The following MYO7B variants were observed in gnomAD, a reference collection of about 807,000 sequenced individuals.
MYO7B encodes unconventional myosin-VIIb.
Under a neutral mutation model 259.7 loss-of-function variants are expected in MYO7B, and 212 were observed. That is an observed-to-expected ratio of 0.82 (90% CI 0.73 to 0.91). The LOEUF (loss-of-function observed/expected upper bound fraction) is 0.91. Among genes scored for constraint, MYO7B ranks in the 40% least tolerant of loss-of-function variants. The pLI, the probability that MYO7B is intolerant of heterozygous loss-of-function variation, is 0.00. For missense variants in MYO7B, 2,732 were observed against 2,813.5 expected (o/e 0.97, Z 0.66); for synonymous variants, 1,197 against 1,166.4 (o/e 1.03, Z -0.54).
Position 127,559,681 on chromosome 2 carries a change from G to A in MYO7B, c.-23-19G>A, listed in dbSNP as rs1227854723. On this transcript the variant is annotated intron_variant, in intron 1 of 47. Coordinates refer to ENST00000409816, the MANE Select transcript of MYO7B (RefSeq NM_001393586.1). This position sits in a 1 kb window ranked among gnomAD's most constrained non-coding sequence, Gnocchi z 4.1. ...GGGCTGTGTATGGAGCTGACGTTCT[G>A]CTTTCTCTCTCCATACAGGCTTGTG... 6.2e-7 allele frequency: 1 copy of A among 1,613,730 alleles called. No homozygotes were observed. The highest frequency in any genetic ancestry group is 1.7e-5 in the Admixed American group (1 of 60,024).
Position 127,615,142 on chromosome 2 carries a change from G to C in MYO7B, c.3398+2539G>C, listed in dbSNP as rs1558836882. On this transcript the variant is annotated intron_variant, in intron 26 of 47. Coordinates refer to ENST00000409816, the MANE Select transcript of MYO7B (RefSeq NM_001393586.1). The surrounding 1 kb of genome is among the most constrained non-coding windows in gnomAD (Gnocchi z 4.4). Reference sequence around the variant, plus strand: ...TTTCCTGGTCCTAAGATGGACCAGTGCTAAGATGGAGGTCTGTTCAGGGCC... The same window carrying C: ...TTTCCTGGTCCTAAGATGGACCAGTCCTAAGATGGAGGTCTGTTCAGGGCC... 6.6e-6 allele frequency among the ~76,000 whole-genome samples: 1 copy of C among 152,136 alleles called. No homozygotes were observed. The highest frequency in any genetic ancestry group is 1.9e-4 in the East Asian group (1 of 5,174).
chr2:127,615,878 G>A lies in MYO7B; in HGVS notation c.3398+3275G>A, dbSNP rs1267622387. The stretch of plus-strand genomic sequence containing the variant: ...GTCTTCGCATTCAGCTGGTACTGGG[G>A]GAACCAGGCCCGTGGTTGGGATCCA... On this transcript the variant is annotated intron_variant, in intron 26 of 47. Coordinates refer to ENST00000409816, the MANE Select transcript of MYO7B (RefSeq NM_001393586.1). This position sits in a 1 kb window ranked among gnomAD's most constrained non-coding sequence, Gnocchi z 4.4. 6.6e-6 allele frequency among the ~76,000 whole-genome samples: 1 copy of A among 152,208 alleles called. No homozygotes were observed. Among genetic ancestry groups the A allele is most frequent in the Non-Finnish European group, 1.5e-5 (1 of 68,036 alleles).
At position 127,581,992 on chromosome 2, in the gene MYO7B, G is replaced by A. The variant is rs751417780; in HGVS notation, c.1182G>A (p.Arg394=). 3 of 1,613,796 alleles carry A rather than the reference G, an allele frequency of 1.9e-6. No homozygotes were observed. The African/African-American group carries it at 4.0e-5, about 22-fold the overall frequency. ...RSLNIAQAAD[R]RDAFVKGIYG... is the part of the protein sequence containing the mutation. ...TGAACATTGCCCAGGCTGCTGACCGGAGGGACGCCTTTGTCAAGGTACAGA... is the reference window on the plus strand; with the variant it reads ...TGAACATTGCCCAGGCTGCTGACCGAAGGGACGCCTTTGTCAAGGTACAGA... Residue 394 remains arginine (R), a synonymous_variant, in exon 11 of 48, where the codon CGG becomes CGA. Coordinates refer to ENST00000409816, the MANE Select transcript of MYO7B (RefSeq NM_001393586.1).
intron 38 of MYO7B, 109 bp downstream of exon 38, chr2:127,631,862 C>G: frequency 7.3e-7 from 1 of 1,370,158 alleles, no homozygotes; most frequent in Non-Finnish European, 9.8e-7. Flanking sequence ...CGGCAGAACC[C>G]CTGCCTGGGC....
chr2:127,592,818 C>A lies in MYO7B; in HGVS notation c.2017C>A (p.Arg673=). Residue 673 remains arginine (R), a synonymous_variant, in exon 17 of 48, where the codon CGG becomes AGG. Transcript: ENST00000409816. ...PLLFDRELCL[R]QLRYSGMMET... is the part of the protein sequence containing the mutation. ...GCTGTTCGACCGGGAGCTGTGCCTGCGGCAGCTGCGATACTCGGGCATGAT... is the reference window on the plus strand; with the variant it reads ...GCTGTTCGACCGGGAGCTGTGCCTGAGGCAGCTGCGATACTCGGGCATGAT... 1 of 1,609,746 alleles carries A rather than the reference C, an allele frequency of 6.2e-7. No individual in the cohort carries two copies. Among genetic ancestry groups the A allele is most frequent in the Non-Finnish European group, 8.5e-7 (1 of 1,178,826 alleles).
At chr2:127,581,505 G>C (rs1220526568) in intron 10 of MYO7B, among the ~76,000 whole-genome samples, 2 of 152,202 alleles carry the variant, frequency 1.3e-5, no homozygotes, top group African/African-American at 4.8e-5. Flanking sequence ...CAGAAACTCT[G>C]GGTTTTGTCA....
intron 1 of MYO7B, among the ~76,000 whole-genome samples, chr2:127,537,639 A>T (rs902439466): frequency 6.6e-6 from 1 of 151,688 alleles, no homozygotes; most frequent in African/African-American, 2.4e-5. Context: ...ACATGGGGAG[A>T]CTCCATCTCT....
At chr2:127,599,862 C>T (rs1679897965) in intron 19 of MYO7B, among the ~76,000 whole-genome samples, 1 of 152,212 alleles carries the variant, frequency 6.6e-6, no homozygotes, top group Non-Finnish European at 1.5e-5. Context: ...GGAGGAAACA[C>T]CACTCGGTCA....
intron 4 of MYO7B, 83 bp downstream of exon 4, chr2:127,565,468 G>A (rs926153163): frequency 1.3e-6 from 2 of 1,546,046 alleles, no homozygotes; most frequent in Non-Finnish European, 1.8e-6. Flanking sequence ...ATGATGCACA[G>A]GGGGCACTGC....
chr2:127,620,646 G>T (rs940730678), intron 27 of MYO7B, among the ~76,000 whole-genome samples, 180 bp downstream of exon 27: 9 of 152,220 alleles, frequency 5.9e-5, no homozygotes, highest in Non-Finnish European at 1.3e-4. Flanking sequence ...ATCTGGAAAA[G>T]AGGACCCTGC....
At chr2:127,620,305 C>G (rs372206680) in intron 26 of MYO7B, 35 bp from the exon 27 acceptor site, 13 of 1,582,486 alleles carry the variant, frequency 8.2e-6, no homozygotes, top group Non-Finnish European at 1.1e-5. Context: ...TCCTCCAGCC[C>G]CCAGCCTACT....
At chr2:127,625,182 C>T (rs1681042112) in intron 30 of MYO7B, among the ~76,000 whole-genome samples, 186 bp from the exon 31 acceptor site, 1 of 152,224 alleles carries the variant, frequency 6.6e-6, no homozygotes, top group South Asian at 2.1e-4. Context: ...TGGCCAAGGC[C>T]TCTGGGATTC....
In MYO7B at chr2:127,636,526, CCG is replaced by C; in HGVS notation, c.6124-18_6124-17del. 1 of 1,603,000 alleles carries C rather than the reference CCG, an allele frequency of 6.2e-7. No individual in the cohort carries two copies. Among genetic ancestry groups the C allele is most frequent in the Non-Finnish European group, 8.5e-7 (1 of 1,174,888 alleles). On this transcript the variant is annotated splice_polypyrimidine_tract_variant and intron_variant, in intron 45 of 47. Coordinates refer to ENST00000409816, the MANE Select transcript of MYO7B (RefSeq NM_001393586.1). The surrounding 1 kb of genome is among the most constrained non-coding windows in gnomAD (Gnocchi z 4.5). ...GGCCTCCCGGGCTGGACTATGACCG[CCG>C]TGTCCCTCCCTCCCAGCAAACCTCG...
At position 127,535,731 on chromosome 2, in the gene MYO7B, C is replaced by T. The variant is rs529922571; in HGVS notation, c.-124C>T. 6.6e-6 allele frequency: 1 copy of T among 152,304 alleles called. No homozygotes were observed. The highest frequency in any genetic ancestry group is 1.5e-5 in the Non-Finnish European group (1 of 68,106). The allele number at this position is 152,304 out of a possible 1,614,324, so 9.4% of individuals were successfully genotyped here. ...CCTCTTCTTCCTCTGTCCCTTACTC[C>T]CTGACACACCCGGAGTCCCAACATT... On this transcript the variant is annotated 5_prime_UTR_variant, in exon 1 of 48. Transcript: ENST00000409816. This position sits in a 1 kb window ranked among gnomAD's most constrained non-coding sequence, Gnocchi z 4.8.
At chr2:127,562,680 G>A (rs1416890481) in intron 2 of MYO7B, among the ~76,000 whole-genome samples, 3 of 152,020 alleles carry the variant, frequency 2.0e-5, no homozygotes, top group Non-Finnish European at 4.4e-5. Context: ...TAGAGATGGG[G>A]TTTCACTATG....
chr2:127,626,226 G>A (rs1020400648), intron 31 of MYO7B: 2 of 152,530 alleles, frequency 1.3e-5, no homozygotes, highest in East Asian at 3.9e-4. Context: ...TGGTCCCCGA[G>A]AGAGGCCCCC....
At chr2:127,540,352 C>A (rs570055538) in intron 1 of MYO7B, among the ~76,000 whole-genome samples, 16 of 152,170 alleles carry the variant, frequency 1.1e-4, no homozygotes, top group African/African-American at 3.9e-4. Flanking sequence ...TTAGTAGAGA[C>A]AGGGTTTCAC....
At chr2:127,599,998 G>A in intron 19 of MYO7B, among the ~76,000 whole-genome samples, 1 of 152,106 alleles carries the variant, frequency 6.6e-6, no homozygotes, top group East Asian at 1.9e-4. Flanking sequence ...TGGTATCAGA[G>A]TAACACTAGC....
rs1460398660 is a variant in MYO7B at position 127,588,503 on chromosome 2, A to C, written c.1802A>C (p.Lys601Thr). 1 of 1,613,292 alleles carries C rather than the reference A, an allele frequency of 6.2e-7. No homozygotes were observed. Among genetic ancestry groups the C allele is most frequent in the South Asian group, 1.1e-5 (1 of 91,090 alleles). The part of the protein sequence containing the change: ...EIFNLELAET[K>T]LGHGTIRQAK... Reference sequence around the variant, plus strand: ...TTCAACTTGGAGTTAGCAGAGACCAAGCTGGGCCATGGGACCATCCGCCAG... The same window carrying C: ...TTCAACTTGGAGTTAGCAGAGACCACGCTGGGCCATGGGACCATCCGCCAG... Residue 601 changes from lysine (K) to threonine (T), a missense_variant, in exon 15 of 48, where the codon AAG becomes ACG. Physicochemically the swap from Lys to Thr is moderately conservative, Grantham distance 78. Coordinates refer to ENST00000409816, the MANE Select transcript of MYO7B (RefSeq NM_001393586.1).
Sources: gnomAD v4.1 joint callset for allele counts (sites outside exome capture counted in the v4.1 genomes callset) on GRCh38, gnomAD v4.1.1 for gene constraint, Gnocchi (gnomAD v3.1) non-coding constraint, MANE v1.5 for transcripts, NCBI Gene and HGNC (gene_info 2026-07-23, HGNC 2026-07-21) for gene names.